Variants in PTGFR observed in about 807,000 individuals in gnomAD.
The protein encoded by PTGFR is prostaglandin F receptor, also known as prostaglandin F2-alpha receptor.
PTGFR carries 15 observed loss-of-function variants against 26.2 expected under a neutral mutation model. The observed-to-expected ratio is 0.57, with a 90% CI of 0.38 to 0.88. The LOEUF is 0.88. PTGFR is among the 40% of genes least tolerant of loss of function. PTGFR has a pLI of 0.00. For missense variants in PTGFR, 369 were observed against 427.2 expected (o/e 0.86, Z 1.20); for synonymous variants, 165 against 151.1 (o/e 1.09, Z -0.68).
chr1:78,526,912 GT>G (rs1363364436), intron 2 of PTGFR, among the ~76,000 whole-genome samples: 1 of 152,104 alleles, frequency 6.6e-6, no homozygotes, highest in African/African-American at 2.4e-5. Flanking sequence ...GATGCAATCT[GT>G]TTTATAGAAG....
At chr1:78,508,486 T>C (rs1262857269) in intron 2 of PTGFR, among the ~76,000 whole-genome samples, 1 of 152,186 alleles carries the variant, frequency 6.6e-6, no homozygotes, top group Non-Finnish European at 1.5e-5. Context: ...GTAGCTGTCA[T>C]GACCCCCTTT....
chr1:78,498,662 G>A (rs1015578774), intron 2 of PTGFR, among the ~76,000 whole-genome samples: 1 of 152,084 alleles, frequency 6.6e-6, no homozygotes, highest in Non-Finnish European at 1.5e-5. Context: ...ATATACCCAT[G>A]CAACAAACCT....
At chr1:78,503,721 G>T (rs1436791583) in intron 2 of PTGFR, among the ~76,000 whole-genome samples, 2 of 152,088 alleles carry the variant, frequency 1.3e-5, no homozygotes, top group East Asian at 3.9e-4. Context: ...GGTAAATATA[G>T]CTATTTGTAT....
At chr1:78,503,519 G>A (rs1649758025) in intron 2 of PTGFR, among the ~76,000 whole-genome samples, 2 of 152,136 alleles carry the variant, frequency 1.3e-5, no homozygotes. Flanking sequence ...AGCAGACTTT[G>A]CTGAGGAAAC....
chr1:78,540,499 A>T lies in PTGFR; in HGVS notation c.*3812A>T, dbSNP rs1236767102. Among the ~76,000 whole-genome samples, 1 of 152,154 alleles carries T rather than the reference A, an allele frequency of 6.6e-6. No individual in the cohort carries two copies. Among genetic ancestry groups the T allele is most frequent in the Non-Finnish European group, 1.5e-5 (1 of 68,016 alleles). ...TCACTCTTTGTAAGTACTGACAAGCATGGTCTTGTAATCTGTAAAGATAAG... is the reference window on the plus strand; with the variant it reads ...TCACTCTTTGTAAGTACTGACAAGCTTGGTCTTGTAATCTGTAAAGATAAG... On this transcript the variant is annotated 3_prime_UTR_variant, in exon 3 of 3. Coordinates refer to ENST00000370757, the MANE Select transcript of PTGFR (RefSeq NM_000959.4).
intron 2 of PTGFR, among the ~76,000 whole-genome samples, chr1:78,511,131 T>C (rs897054339): frequency 6.6e-6 from 1 of 152,196 alleles, no homozygotes; most frequent in Non-Finnish European, 1.5e-5. Flanking sequence ...CAAGTGGCTG[T>C]ACCATTCCAG....
intron 2 of PTGFR, among the ~76,000 whole-genome samples, chr1:78,525,913 G>A (rs1164986878): frequency 1.3e-5 from 2 of 152,094 alleles, no homozygotes; most frequent in African/African-American, 4.8e-5. Context: ...AAAAGTAGTA[G>A]CAGAATATTT....
chr1:78,504,399 T>C (rs1649778839), intron 2 of PTGFR, among the ~76,000 whole-genome samples: 1 of 152,168 alleles, frequency 6.6e-6, no homozygotes, highest in Non-Finnish European at 1.5e-5. Context: ...TTATCCCTTT[T>C]GTGAATGTAC....
At chr1:78,523,816 A>G (rs548166302) in intron 2 of PTGFR, among the ~76,000 whole-genome samples, 2 of 152,218 alleles carry the variant, frequency 1.3e-5, no homozygotes, top group East Asian at 1.9e-4. Flanking sequence ...GTCTGTCTGC[A>G]TTTCACTGTT....
intron 2 of PTGFR, among the ~76,000 whole-genome samples, chr1:78,533,754 A>T (rs1205956285): frequency 1.3e-5 from 2 of 152,212 alleles, no homozygotes; most frequent in East Asian, 3.9e-4. Context: ...GGGAGAGATG[A>T]TGCGATAACA....
rs185242813 is a variant in PTGFR, at chr1:78,515,100, G to A, written c.799-21306G>A. Among the ~76,000 whole-genome samples, 165 of 151,990 alleles carry A rather than the reference G, an allele frequency of 1.1e-3. 1 individual carries two copies. The highest frequency in any genetic ancestry group is 3.4e-3 in the African/African-American group (142 of 41,428). ...ACTAACACAATGGGGACCACATTGC[G>A]ACATAAGATTTGGAGAGGACAAACA... On this transcript the variant is annotated intron_variant, in intron 2 of 2. Transcript: ENST00000370757.
chr1:78,501,320 G>A (rs901500757), intron 2 of PTGFR, among the ~76,000 whole-genome samples: 2 of 152,092 alleles, frequency 1.3e-5, no homozygotes, highest in South Asian at 2.1e-4. Flanking sequence ...TATTTGTTTT[G>A]GAAGTCATGT....
chr1:78,536,605 G>T lies in PTGFR; in HGVS notation c.998G>T (p.Trp333Leu). 6.2e-7 allele frequency: 1 copy of T among 1,613,316 alleles called. No homozygotes were observed. Among genetic ancestry groups the T allele is most frequent in the Non-Finnish European group, 8.5e-7 (1 of 1,179,556 alleles). ...CGVHVISLHI[W>L]ELSSIKNSLK... ...GTGCATGTCATCAGCTTACATATTT[G>T]GGAGCTTAGTTCCATTAAAAATTCC... is the stretch of plus-strand genomic sequence containing the variant. Residue 333 changes from tryptophan to leucine, a missense_variant, in exon 3 of 3, where the codon TGG becomes TTG. Trp to Leu is a moderately conservative substitution (Grantham distance 61, BLOSUM62 -2). Transcript: ENST00000370757.
rs1290849240 is a variant in PTGFR, at chr1:78,492,936, T to G, written c.193T>G (p.Ser65Ala). ...GAGATTTAGACAGAAGTCCAAGGCA[T>G]CGTTTCTGCTTTTGGCCAGTGGCCT... ...YQRFRQKSKA[S>A]FLLLASGLVI... The change falls in exon 2 of 3, where the codon TCG becomes GCG. Residue 65 changes from serine to alanine, a missense_variant. Transcript: ENST00000370757. 6.2e-7 allele frequency: 1 copy of G among 1,614,246 alleles called. No homozygotes were observed. The highest frequency in any genetic ancestry group is 8.5e-7 in the Non-Finnish European group (1 of 1,180,052).
chr1:78,493,434 A>G lies in PTGFR; in HGVS notation c.691A>G (p.Lys231Glu), dbSNP rs1649467393. 1.2e-6 allele frequency: 2 copies of G among 1,612,898 alleles called. No homozygotes were observed. The highest frequency in any genetic ancestry group is 2.2e-5 in the South Asian group (2 of 90,870). Residue 231 changes from lysine (K) to glutamate (E), a missense_variant, in exon 2 of 3, where the codon AAA (lysine) becomes GAA (glutamate). Physicochemically the swap from Lys to Glu is moderately conservative, Grantham distance 56 (BLOSUM62 1). Transcript: ENST00000370757. ...CACAGGAATTACACTTTTAAGAGTTAAATTTAAAAGTCAGCAGCACAGACA... is the reference window on the plus strand; with the variant it reads ...CACAGGAATTACACTTTTAAGAGTTGAATTTAAAAGTCAGCAGCACAGACA... ...AITGITLLRV[K>E]FKSQQHRQGR...
At position 78,499,129 on chromosome 1, in the gene PTGFR, G is replaced by A. The variant is rs146368645; in HGVS notation, c.798+5588G>A. Among the ~76,000 whole-genome samples the A allele has an allele frequency of 3.0e-3, 453 of 152,240 alleles. 3 individuals carry two copies. The highest frequency in any genetic ancestry group is 0.011 in the African/African-American group (443 of 41,542). ...CAGAGGAGCTGCCCTGGGAGATCAG[G>A]GAGCACATTCCTGTCCCTGAGCCTT... On this transcript the variant is annotated intron_variant, in intron 2 of 2. Coordinates refer to ENST00000370757, the MANE Select transcript of PTGFR (RefSeq NM_000959.4).
chr1:78,522,278 G>A (rs1046400113), intron 2 of PTGFR, among the ~76,000 whole-genome samples: 4 of 152,006 alleles, frequency 2.6e-5, no homozygotes, highest in Non-Finnish European at 5.9e-5. Context: ...ACCAGCTAGA[G>A]AAAGTTATCT....
chr1:78,502,653 A>G (rs998004004), intron 2 of PTGFR, among the ~76,000 whole-genome samples: 1 of 152,140 alleles, frequency 6.6e-6, no homozygotes, highest in African/African-American at 2.4e-5. Context: ...ACACGTTAAA[A>G]TTATTAAATG....
Position 78,536,776 on chromosome 1 carries a change from C to T in PTGFR, c.*89C>T. On this transcript the variant is annotated 3_prime_UTR_variant, in exon 3 of 3. Coordinates refer to ENST00000370757, the MANE Select transcript of PTGFR (RefSeq NM_000959.4). ...AGTTAGTTAAATACCTGTAGCCTAA[C>T]TGGAAAATTCAGGCTTCATCATGTA... The T allele has an allele frequency of 7.3e-7, 1 of 1,373,774 alleles. No homozygotes were observed. Among genetic ancestry groups the T allele is most frequent in the Non-Finnish European group, 9.7e-7 (1 of 1,032,116 alleles). 85.1% of individuals were successfully genotyped at this position (1,373,774 alleles called of 1,614,324 possible). A position where few individuals can be genotyped will look rare whatever the true frequency, so the allele number is the denominator to read the frequency against.
Sources: gnomAD v4.1 joint callset for allele counts (sites outside exome capture counted in the v4.1 genomes callset) on GRCh38, gnomAD v4.1.1 for gene constraint, MANE v1.5 for transcripts, NCBI Gene and HGNC (gene_info 2026-07-23, HGNC 2026-07-21) for gene names.